The following TBCD variants were observed in gnomAD, a reference collection of about 807,000 sequenced individuals.
TBCD encodes the protein tubulin folding cofactor D, also known as tubulin-specific chaperone D.
A neutral mutation model predicts 169.3 loss-of-function variants in TBCD; 105 were observed. That is an observed-to-expected ratio of 0.62 (90% CI 0.53 to 0.73). The LOEUF (loss-of-function observed/expected upper bound fraction) is 0.73, where lower values mean the gene tolerates loss of function less well. Among genes scored for constraint, TBCD ranks in the 30% least tolerant of loss-of-function variants. The probability of loss-of-function intolerance (pLI) is 0.00; values close to 1 mark genes in which losing one functional copy is unlikely to be tolerated. For missense variants in TBCD, 1,444 were observed against 1,600.1 expected, an observed-to-expected ratio of 0.90 and a Z score of 1.66; for synonymous variants, 700 against 643.9, an observed-to-expected ratio of 1.09 and a Z score of -1.32.
chr17:82,900,618 C>T (rs755863884), intron 17 of TBCD, 33 bp from the exon 18 acceptor site: 16 of 1,577,374 alleles, frequency 1.0e-5, no homozygotes, highest in Admixed American at 5.0e-5. Context: ...CGTTCTTCCG[C>T]GTCTCACCAC....
intron 7 of TBCD, among the ~76,000 whole-genome samples, chr17:82,794,208 G>A (rs536726548): frequency 2.6e-5 from 4 of 152,286 alleles, no homozygotes; most frequent in Admixed American, 6.5e-5. Flanking sequence ...GCTTGCTCCC[G>A]AGTAGCTCGA....
At chr17:82,876,232 C>T (rs1390485221) in intron 14 of TBCD, among the ~76,000 whole-genome samples, 2 of 152,228 alleles carry the variant, frequency 1.3e-5, no homozygotes, top group Non-Finnish European at 2.9e-5. Context: ...AAGAGAATCC[C>T]TTTCTGTTTG....
rs375399445 is a variant in TBCD at position 82,779,261 on chromosome 17, C to T, written c.639-2328C>T. Among the ~76,000 whole-genome samples, 30 of 152,130 alleles carry T rather than the reference C, an allele frequency of 2.0e-4. No homozygotes were observed. In the East Asian group the frequency reaches 4.1e-3, roughly 21 times the overall value. ...CGTCGTGATTCACCTGCCTTGGCCTCCCAAAGTGCTGGGATTACGGGCTTG... is the reference window on the plus strand; with the variant it reads ...CGTCGTGATTCACCTGCCTTGGCCTTCCAAAGTGCTGGGATTACGGGCTTG... On this transcript the variant is annotated intron_variant, in intron 6 of 38. Coordinates refer to ENST00000355528, the MANE Select transcript of TBCD (RefSeq NM_005993.5).
intron 7 of TBCD, chr17:82,795,487 C>T (rs1274884970): frequency 3.1e-6 from 3 of 969,548 alleles, no homozygotes; most frequent in Non-Finnish European, 3.7e-6. Flanking sequence ...GCCTCTGTAG[C>T]GGTCTTCGTT....
chr17:82,834,880 T>TAA (rs148009121), intron 13 of TBCD, among the ~76,000 whole-genome samples: 2 of 149,268 alleles, frequency 1.3e-5, no homozygotes, highest in African/African-American at 4.9e-5. Flanking sequence ...TAAAGTATAA[T>TAA]AAAAAAAAAA....
intron 13 of TBCD, among the ~76,000 whole-genome samples, chr17:82,851,707 C>T (rs892277243): frequency 2.0e-5 from 3 of 152,168 alleles, no homozygotes; most frequent in African/African-American, 2.4e-5. Context: ...CGCAGCTCTT[C>T]GAGAGGGCTG....
intron 17 of TBCD, among the ~76,000 whole-genome samples, chr17:82,897,315 C>G (rs1049418709): frequency 6.6e-6 from 1 of 151,944 alleles, no homozygotes. Context: ...GTCAAGAGAT[C>G]GAGACCATCC....
At chr17:82,846,681 GC>G (rs2055149788) in intron 13 of TBCD, among the ~76,000 whole-genome samples, 2 of 152,338 alleles carry the variant, frequency 1.3e-5, no homozygotes, top group South Asian at 4.1e-4. Context: ...ACACCTCTCT[GC>G]CCCCGTCACC....
At chr17:82,763,751 A>G (rs1168125526) in intron 2 of TBCD, among the ~76,000 whole-genome samples, 1 of 151,836 alleles carries the variant, frequency 6.6e-6, no homozygotes, top group Non-Finnish European at 1.5e-5. Context: ...AAAAAAAAAG[A>G]AAAAAAAGAG....
intron 6 of TBCD, among the ~76,000 whole-genome samples, chr17:82,781,172 G>A (rs1434683510): frequency 6.6e-6 from 1 of 151,998 alleles, no homozygotes; most frequent in African/African-American, 2.4e-5. Flanking sequence ...CCCAGCTGCC[G>A]GGGCCAGGCC....
chr17:82,800,747 G>A, intron 8 of TBCD, 117 bp from the exon 9 acceptor site: 4 of 1,261,694 alleles, frequency 3.2e-6, no homozygotes, highest in South Asian at 1.5e-5. Context: ...GGGGGTCTTG[G>A]TGATGTCTCC....
intron 5 of TBCD, among the ~76,000 whole-genome samples, chr17:82,772,003 A>G (rs1006321286): frequency 3.0e-4 from 45 of 152,224 alleles, no homozygotes; most frequent in African/African-American, 1.0e-3. Context: ...AAAATTAAAA[A>G]TAACTAGGTA....
intron 12 of TBCD, 99 bp from the exon 13 acceptor site, chr17:82,814,741 A>G (rs1370901824): frequency 8.8e-7 from 1 of 1,139,396 alleles, no homozygotes; most frequent in Non-Finnish European, 1.3e-6. Context: ...TTACAGGCAG[A>G]GGATATGGAC....
At chr17:82,817,276 G>T (rs1292832644) in intron 13 of TBCD, among the ~76,000 whole-genome samples, 1 of 152,006 alleles carries the variant, frequency 6.6e-6, no homozygotes, top group Non-Finnish European at 1.5e-5. Context: ...GACTACAGGG[G>T]TGCACCACCA....
At chr17:82,781,765 C>T (rs1207244186) in intron 7 of TBCD, 44 bp downstream of exon 7, 7 of 1,599,556 alleles carry the variant, frequency 4.4e-6, no homozygotes, top group African/African-American at 1.4e-5. Context: ...AGGGAAATGG[C>T]GCCTTACATG....
rs1283258929 is a variant in TBCD, at chr17:82,761,010, A to G, written c.236-2955A>G. Among the ~76,000 whole-genome samples the G allele has an allele frequency of 3.3e-5, 5 of 149,744 alleles. No homozygotes were observed. The South Asian group carries it at 8.5e-4, about 25-fold the overall frequency. On this transcript the variant is annotated intron_variant, in intron 2 of 38. Transcript: ENST00000355528. ...AGTCTTGCTCTGTCACCCAGGCTGG[A>G]GTGTAATGGCGTGATCTTGGCTCAC... is the stretch of plus-strand genomic sequence containing the variant.
At position 82,779,795 on chromosome 17, in the gene TBCD, T is replaced by C. The variant is rs537617509; in HGVS notation, c.639-1794T>C. On this transcript the variant is annotated intron_variant, in intron 6 of 38. Coordinates refer to ENST00000355528, the MANE Select transcript of TBCD (RefSeq NM_005993.5). ...GTGGGGGCCGGAGGGAGGTTGGGCG[T>C]CATAGCCTGGCAGCTCCAGCTTCCA... 2.0e-5 allele frequency among the ~76,000 whole-genome samples: 3 copies of C among 152,008 alleles called. No homozygotes were observed. In the East Asian group the frequency reaches 5.8e-4, roughly 30 times the overall value.
At chr17:82,846,407 C>CCCCTCCACG (rs2046885270) in intron 13 of TBCD, among the ~76,000 whole-genome samples, 2 of 152,158 alleles carry the variant, frequency 1.3e-5, no homozygotes, top group African/African-American at 4.8e-5. Flanking sequence ...CCTCTGCTGC[C>CCCCTCCACG]CGCTGCTCTC....
intron 7 of TBCD, among the ~76,000 whole-genome samples, chr17:82,795,074 G>A (rs1253425035): frequency 6.6e-6 from 1 of 152,182 alleles, no homozygotes; most frequent in Non-Finnish European, 1.5e-5. Context: ...GCTTTCCCGA[G>A]AACTCATCAC....
Sources: gnomAD v4.1 joint callset for allele counts (sites outside exome capture counted in the v4.1 genomes callset) on GRCh38, gnomAD v4.1.1 for gene constraint, MANE v1.5 for transcripts, NCBI Gene and HGNC (gene_info 2026-07-23, HGNC 2026-07-21) for gene names.